Variants in VPS54 observed in about 807,000 individuals in gnomAD.
VPS54 encodes the protein vacuolar protein sorting-associated protein 54.
In VPS54, 45 loss-of-function variants were observed where a neutral mutation model predicts 121.5. The observed-to-expected ratio is 0.37, with a 90% CI of 0.29 to 0.47. VPS54 has a LOEUF of 0.47. Ranked by LOEUF, VPS54 falls within the 20% of genes least tolerant of loss-of-function variation. The pLI, the probability that VPS54 is intolerant of heterozygous loss-of-function variation, is 0.99. For missense variants in VPS54, 1,090 were observed against 1,131.4 expected (o/e 0.96, Z 0.52); for synonymous variants, 371 against 385.8 (o/e 0.96, Z 0.45).
chr2:63,943,287 C>T (rs1674822463), intron 10 of VPS54, among the ~76,000 whole-genome samples: 1 of 152,092 alleles, frequency 6.6e-6, no homozygotes, highest in Admixed American at 6.6e-5. Flanking sequence ...TGACTTATTA[C>T]TCTAAATTTT....
At chr2:63,983,215 T>C (rs181448563) in intron 2 of VPS54, among the ~76,000 whole-genome samples, 170 of 148,524 alleles carry the variant, frequency 1.1e-3, no homozygotes, top group African/African-American at 4.1e-3. Context: ...CACTGCAACC[T>C]CCACCTCCCA....
At chr2:63,937,028 C>A (rs1172700385) in intron 11 of VPS54, among the ~76,000 whole-genome samples, 2 of 151,990 alleles carry the variant, frequency 1.3e-5, no homozygotes, top group African/African-American at 2.4e-5. Flanking sequence ...AATATAAGCT[C>A]TAAAAATATA....
Position 63,920,615 on chromosome 2 carries a change from C to T in VPS54, c.1882G>A (p.Glu628Lys). Reference sequence around the variant, plus strand: ...ATGAATTCCATGGAATTTAGCTTCTCAAGAAAACCATCCTAAATTTTAATA... The same window carrying T: ...ATGAATTCCATGGAATTTAGCTTCTTAAGAAAACCATCCTAAATTTTAATA... ...LMSRAKDGFL[E>K]KLNSMEFITL... The change falls in exon 14 of 23, where the codon GAG (glutamate) becomes AAG (lysine). Residue 628 changes from glutamate (E) to lysine (K), a missense_variant. Glu to Lys is a moderately conservative substitution (Grantham distance 56). Coordinates refer to ENST00000272322, the MANE Select transcript of VPS54 (RefSeq NM_016516.3). The T allele has an allele frequency of 6.7e-7, 1 of 1,491,698 alleles. No homozygotes were observed. 92.4% of individuals were successfully genotyped at this position (1,491,698 alleles called of 1,614,324 possible).
At chr2:63,943,731 T>TTTC (rs1575939735) in intron 10 of VPS54, among the ~76,000 whole-genome samples, 5 of 23,618 alleles carry the variant, frequency 2.1e-4, no homozygotes, top group Non-Finnish European at 2.0e-4. Flanking sequence ...TTCTTTCTTT[T>TTTC]TTTTTTTTTT....
At chr2:63,933,549 A>AAT (rs1674313206) in intron 12 of VPS54, 124 bp downstream of exon 12, 2 of 812,606 alleles carry the variant, frequency 2.5e-6, no homozygotes, top group Non-Finnish European at 3.7e-6. Flanking sequence ...TCATAAAATT[A>AAT]ATATATTTTT....
In VPS54 at chr2:64,012,297, A is replaced by G. The variant is rs1167545655; in HGVS notation, c.-21+6641T>C. On this transcript the variant is annotated intron_variant, in intron 1 of 22. Coordinates refer to ENST00000272322, the MANE Select transcript of VPS54 (RefSeq NM_016516.3). ...GCTGATTACAAATTTATGAGTTCCA[A>G]TCTCAGATGAGCCTCTGATGCTGCT... is the stretch of plus-strand genomic sequence containing the variant. Among the ~76,000 whole-genome samples the G allele has an allele frequency of 2.6e-5, 4 of 152,108 alleles. No individual in the cohort carries two copies. The South Asian group carries it at 8.3e-4, about 32-fold the overall frequency.
intron 1 of VPS54, among the ~76,000 whole-genome samples, chr2:63,989,896 C>G (rs1023065674): frequency 3.9e-5 from 6 of 152,156 alleles, no homozygotes; most frequent in South Asian, 2.1e-4. Context: ...TCCGAGTAAC[C>G]ATGGAAAATA....
chr2:64,009,010 C>CA (rs1678301797), intron 1 of VPS54, among the ~76,000 whole-genome samples: 1 of 152,196 alleles, frequency 6.6e-6, no homozygotes, highest in African/African-American at 2.4e-5. Flanking sequence ...TCAGACCATT[C>CA]AGTGAGTTAA....
At chr2:63,947,089 G>A (rs1675012645) in intron 9 of VPS54, among the ~76,000 whole-genome samples, 1 of 151,782 alleles carries the variant, frequency 6.6e-6, no homozygotes, top group Non-Finnish European at 1.5e-5. Flanking sequence ...TGATGTTTCT[G>A]AAAGCTTTTA....
chr2:64,015,506 G>A (rs1678639855), intron 1 of VPS54, among the ~76,000 whole-genome samples: 1 of 152,014 alleles, frequency 6.6e-6, no homozygotes, highest in South Asian at 2.1e-4. Context: ...GGTTTACAAT[G>A]GTACCATTGA....
chr2:64,003,086 G>C (rs556020250), intron 1 of VPS54, among the ~76,000 whole-genome samples: 1 of 152,234 alleles, frequency 6.6e-6, no homozygotes, highest in South Asian at 2.1e-4. Flanking sequence ...TCATTGAAAG[G>C]CTAAAGAACA....
intron 21 of VPS54, among the ~76,000 whole-genome samples, chr2:63,897,887 G>A (rs1672511592): frequency 6.6e-6 from 1 of 152,174 alleles, no homozygotes; most frequent in Non-Finnish European, 1.5e-5. Flanking sequence ...AACATAGTAA[G>A]TAGGAAGTTG....
chr2:63,911,337 T>C (rs1673140330), intron 20 of VPS54, among the ~76,000 whole-genome samples: 1 of 152,192 alleles, frequency 6.6e-6, no homozygotes, highest in Non-Finnish European at 1.5e-5. Flanking sequence ...TACAAATTCC[T>C]TAAGCTTCTT....
intron 12 of VPS54, among the ~76,000 whole-genome samples, chr2:63,926,252 T>C (rs917124384): frequency 6.6e-6 from 1 of 152,198 alleles, no homozygotes; most frequent in African/African-American, 2.4e-5. Context: ...ACCTCTGAAA[T>C]GTTACATGAG....
chr2:63,995,837 T>C (rs1053600149), intron 1 of VPS54, among the ~76,000 whole-genome samples: 1 of 152,196 alleles, frequency 6.6e-6, no homozygotes, highest in African/African-American at 2.4e-5. Context: ...GGAAGATAAT[T>C]TATCATTGGA....
chr2:63,996,077 C>G (rs1044377198), intron 1 of VPS54, among the ~76,000 whole-genome samples: 1 of 152,046 alleles, frequency 6.6e-6, no homozygotes, highest in Middle Eastern at 3.2e-3. Flanking sequence ...GCGTCAAAAT[C>G]GAGAGAACAA....
chr2:63,972,397 C>T (rs570618086), intron 3 of VPS54, among the ~76,000 whole-genome samples, 153 bp from the exon 4 acceptor site: 1 of 152,160 alleles, frequency 6.6e-6, no homozygotes, highest in Admixed American at 6.5e-5. Flanking sequence ...ATACAAGTAA[C>T]AAGCGGTTAA....
Position 63,966,079 on chromosome 2 carries a change from C to A in VPS54, c.493-113G>T, listed in dbSNP as rs1027176749. 7 of 1,051,206 alleles carry A rather than the reference C, an allele frequency of 6.7e-6. No individual in the cohort carries two copies. The Admixed American group carries it at 8.1e-5, about 12-fold the overall frequency. 65.1% of individuals were successfully genotyped at this position (1,051,206 alleles called of 1,614,324 possible). A position where few individuals can be genotyped will look rare whatever the true frequency, so the allele number is the denominator to read the frequency against. On this transcript the variant is annotated intron_variant, in intron 5 of 22. Coordinates refer to ENST00000272322, the MANE Select transcript of VPS54 (RefSeq NM_016516.3). ...TAACGTGGATCTTGAGTATGAATAG[C>A]AAAAGCAAGTGATAACAGTTGAGTT... is the stretch of plus-strand genomic sequence containing the variant.
chr2:63,897,634 TAGA>T lies in VPS54; in HGVS notation c.2734-47_2734-45del. 2.6e-6 allele frequency: 3 copies of T among 1,169,128 alleles called. 1 individual carries two copies. In the South Asian group the frequency reaches 4.2e-5, roughly 16 times the overall value. 72.4% of individuals were successfully genotyped at this position (1,169,128 alleles called of 1,614,324 possible). On this transcript the variant is annotated intron_variant, in intron 21 of 22. Coordinates refer to ENST00000272322, the MANE Select transcript of VPS54 (RefSeq NM_016516.3). Reference sequence around the variant, plus strand: ...TAAGTTTCTTAAAGTTCTACTGAAATAGAAGATATCTGAGTTATCAATATTATT... The same window carrying T: ...TAAGTTTCTTAAAGTTCTACTGAAATAGATATCTGAGTTATCAATATTATT...
Sources: allele counts gnomAD v4.1 joint callset (sites outside exome capture counted in the v4.1 genomes callset), GRCh38; gene constraint gnomAD v4.1.1; transcripts MANE v1.5; gene names NCBI Gene and HGNC (gene_info 2026-07-23, HGNC 2026-07-21).